DNER: variants seen among roughly 807,000 people sequenced by gnomAD.
The protein encoded by DNER is delta and Notch-like epidermal growth factor-related receptor.
Under a neutral mutation model 78.2 loss-of-function variants are expected in DNER, and 33 were observed. The observed-to-expected ratio is 0.42, with a 90% CI of 0.32 to 0.56. The LOEUF (loss-of-function observed/expected upper bound fraction) is 0.56. Ranked by LOEUF, DNER falls within the 20% of genes least tolerant of loss-of-function variation. DNER has a pLI of 0.11. For synonymous variants in DNER, 417 were observed against 384.8 expected (o/e 1.08, Z -0.98); for missense variants, 918 against 975.3 (o/e 0.94, Z 0.78).
intron 4 of DNER, among the ~76,000 whole-genome samples, chr2:229,574,250 A>G (rs1697258084): frequency 6.6e-6 from 1 of 152,196 alleles, no homozygotes; most frequent in Non-Finnish European, 1.5e-5. Flanking sequence ...ATTTAACCCA[A>G]ATAAATCATC....
chr2:229,553,045 G>T (rs552046354), intron 4 of DNER, among the ~76,000 whole-genome samples: 2 of 152,168 alleles, frequency 1.3e-5, no homozygotes, highest in Admixed American at 1.3e-4. Context: ...CCAGGCCATC[G>T]CATCCTAGAG....
At chr2:229,498,792 T>C (rs540010918) in intron 6 of DNER, among the ~76,000 whole-genome samples, 1 of 152,348 alleles carries the variant, frequency 6.6e-6, no homozygotes, top group South Asian at 2.1e-4. Context: ...ATTTCCTGTG[T>C]TCATGGATGG....
intron 6 of DNER, among the ~76,000 whole-genome samples, chr2:229,490,002 C>G (rs741563): frequency 0.13 from 18,982 of 151,554 alleles, 1,331 homozygotes; most frequent in South Asian, 0.2. Flanking sequence ...AAGGGGAGAT[C>G]AAAGTGGAGG....
chr2:229,523,496 A>G (rs73998262), intron 5 of DNER, among the ~76,000 whole-genome samples: 5 of 152,166 alleles, frequency 3.3e-5, no homozygotes, highest in East Asian at 1.9e-4. Flanking sequence ...CTATGTCCCA[A>G]TGTCCTTTCT....
chr2:229,499,762 G>C (rs2894684), intron 6 of DNER, among the ~76,000 whole-genome samples: 1 of 151,862 alleles, frequency 6.6e-6, no homozygotes, highest in African/African-American at 2.4e-5. Context: ...CAAAAGAAGC[G>C]ATCAATGGAG....
chr2:229,700,337 AT>A (rs373414789), intron 1 of DNER, among the ~76,000 whole-genome samples: 39,309 of 124,862 alleles, frequency 0.31, 5,988 homozygotes, highest in Middle Eastern at 0.41. Flanking sequence ...TCAGTGCAAC[AT>A]TTTTTTTTTT....
chr2:229,386,689 G>A (rs1329769069), intron 11 of DNER, among the ~76,000 whole-genome samples: 1 of 150,200 alleles, frequency 6.7e-6, no homozygotes, highest in African/African-American at 2.4e-5. Flanking sequence ...CCTCTCAAAA[G>A]AAGACATTCA....
At chr2:229,403,029 C>A (rs965650966) in intron 10 of DNER, among the ~76,000 whole-genome samples, 5 of 152,140 alleles carry the variant, frequency 3.3e-5, no homozygotes, top group African/African-American at 1.2e-4. Context: ...CATACCACAC[C>A]CTATACTTTA....
intron 4 of DNER, among the ~76,000 whole-genome samples, chr2:229,569,445 C>G (rs1697175725): frequency 1.3e-5 from 2 of 152,222 alleles, no homozygotes; most frequent in Admixed American, 1.3e-4. Flanking sequence ...TCACTTGAAC[C>G]TGGGAGGCAG....
chr2:229,685,957 A>T (rs1304257036), intron 1 of DNER, among the ~76,000 whole-genome samples: 1 of 152,092 alleles, frequency 6.6e-6, no homozygotes, highest in Non-Finnish European at 1.5e-5. Context: ...AGGGTGACCC[A>T]TGCATGGGTA....
intron 8 of DNER, among the ~76,000 whole-genome samples, chr2:229,445,612 C>G (rs1694324883): frequency 6.6e-6 from 1 of 152,130 alleles, no homozygotes; most frequent in African/African-American, 2.4e-5. Flanking sequence ...CAGCTGAGGA[C>G]CTTAAGGACA....
At chr2:229,515,191 G>A (rs1414079428) in intron 5 of DNER, among the ~76,000 whole-genome samples, 1 of 152,116 alleles carries the variant, frequency 6.6e-6, no homozygotes, top group Non-Finnish European at 1.5e-5. Flanking sequence ...TGTATTTGTA[G>A]CTGGAAGCTA....
intron 6 of DNER, 58 bp downstream of exon 6, chr2:229,512,723 CAA>C (rs1336009738): frequency 3.2e-6 from 5 of 1,567,438 alleles, no homozygotes; most frequent in African/African-American, 2.7e-5. Context: ...AAATAAAAAA[CAA>C]GAGGTGCATG....
rs544746693 is a variant in DNER at position 229,377,079 on chromosome 2, C to T, written c.1856-9960G>A. 3.0e-4 allele frequency among the ~76,000 whole-genome samples: 46 copies of T among 152,206 alleles called. No individual in the cohort carries two copies. The South Asian group carries it at 9.1e-3, about 30-fold the overall frequency. On this transcript the variant is annotated intron_variant, in intron 11 of 12. Coordinates refer to ENST00000341772, the MANE Select transcript of DNER (RefSeq NM_139072.4). Reference sequence around the variant, plus strand: ...GGCTGTGCAAAGCCTTACGGTGACTCATCATATATTCAAACCTGCCCTCAG... The same window carrying T: ...GGCTGTGCAAAGCCTTACGGTGACTTATCATATATTCAAACCTGCCCTCAG...
At position 229,375,666 on chromosome 2, in the gene DNER, A is replaced by C. The variant is rs189856291; in HGVS notation, c.1856-8547T>G. ...CATGAAAAGTTAAAAGATAATCACC[A>C]ACCAAAATCAAAATATTAAATGCAA... On this transcript the variant is annotated intron_variant, in intron 11 of 12. Transcript: ENST00000341772. Among the ~76,000 whole-genome samples the C allele has an allele frequency of 1.0e-3, 158 of 152,354 alleles. 1 individual carries two copies. Among genetic ancestry groups the C allele is most frequent in the Non-Finnish European group, 1.7e-3 (113 of 68,036 alleles).
At chr2:229,393,425 CA>C (rs1475279675) in intron 10 of DNER, among the ~76,000 whole-genome samples, 1 of 146,988 alleles carries the variant, frequency 6.8e-6, no homozygotes, top group East Asian at 2.0e-4. Context: ...GACTCCGTCT[CA>C]AAAAAAATAA....
chr2:229,659,855 A>G (rs1698978501), intron 1 of DNER, among the ~76,000 whole-genome samples: 1 of 152,150 alleles, frequency 6.6e-6, no homozygotes, highest in Non-Finnish European at 1.5e-5. Flanking sequence ...TGGCGGCTGC[A>G]GTTTTCTTCA....
At position 229,404,972 on chromosome 2, in the gene DNER, C is replaced by T. The variant is rs1454560864; in HGVS notation, c.1723+2260G>A. On this transcript the variant is annotated intron_variant, in intron 10 of 12. Transcript: ENST00000341772. ...ATATGGAAAACAAAATACTTTTGTC[C>T]AGATTTAAAAGGCAAATGACAGTGG... 3.3e-5 allele frequency among the ~76,000 whole-genome samples: 5 copies of T among 152,052 alleles called. No homozygotes were observed. The East Asian group carries it at 5.8e-4, about 18-fold the overall frequency.
intron 8 of DNER, among the ~76,000 whole-genome samples, chr2:229,425,754 G>T (rs970256824): frequency 6.6e-6 from 1 of 152,090 alleles, no homozygotes. Flanking sequence ...TTCACACTTC[G>T]TGCAACAAAT....
Sources: allele counts gnomAD v4.1 joint callset (sites outside exome capture counted in the v4.1 genomes callset), GRCh38; gene constraint gnomAD v4.1.1; transcripts MANE v1.5; gene names NCBI Gene and HGNC (gene_info 2026-07-23, HGNC 2026-07-21).